The following SPTB variants were observed in gnomAD, a reference collection of about 807,000 sequenced individuals.
The protein encoded by SPTB is spectrin beta chain, erythrocytic.
SPTB carries 45 observed loss-of-function variants against 256.2 expected under a neutral mutation model. The observed-to-expected ratio is 0.18, with a 90% CI of 0.14 to 0.23. The LOEUF is 0.23. SPTB is among the 10% of genes least tolerant of loss of function. SPTB has a pLI of 1.00. For missense variants in SPTB, 2,715 were observed against 3,040.4 expected, an observed-to-expected ratio of 0.89 and a Z score of 2.52; for synonymous variants, 1,231 against 1,243.1, an observed-to-expected ratio of 0.99 and a Z score of 0.21.
chr14:64,797,583 C>T (rs2082800200), intron 10 of SPTB, 146 bp downstream of exon 10: 3 of 690,038 alleles, frequency 4.3e-6, no homozygotes, highest in Non-Finnish European at 7.9e-6. Context: ...GAACCAGGTT[C>T]GATAACTCCC....
intron 20 of SPTB, among the ~76,000 whole-genome samples, chr14:64,780,154 T>C (rs2082441726): frequency 6.6e-6 from 1 of 152,000 alleles, no homozygotes; most frequent in Non-Finnish European, 1.5e-5. Flanking sequence ...GCAAAAGGGG[T>C]TGGAGATGGA....
Position 64,841,778 on chromosome 14 carries a change from C to T in SPTB, c.-51-18633G>A, listed in dbSNP as rs145851557. Among the ~76,000 whole-genome samples, 2 of 152,064 alleles carry T rather than the reference C, an allele frequency of 1.3e-5. No individual in the cohort carries two copies. The highest frequency in any genetic ancestry group is 3.9e-4 in the East Asian group (2 of 5,180). ...ATATTTTTTAAGGGTCTTTCTTTAA[C>T]ACAGCACACATTTACCTATTTGCAA... On this transcript the variant is annotated intron_variant, in intron 1 of 35. Transcript: ENST00000644917. The surrounding 1 kb of genome is among the most constrained non-coding windows in gnomAD (Gnocchi z 4.6).
At position 64,764,500 on chromosome 14, in the gene SPTB, A is replaced by G. The variant is rs948355341; in HGVS notation, c.6345+2226T>C. Among the ~76,000 whole-genome samples the G allele has an allele frequency of 3.9e-5, 6 of 152,234 alleles. 1 individual carries two copies. The highest frequency in any genetic ancestry group is 3.3e-4 in the Admixed American group (5 of 15,286). ...TGCTGGAGTGGCTGGCTCTCCGGAA[A>G]GGGTCTCAAATGTGGGCTCACTTCT... On this transcript the variant is annotated intron_variant, in intron 32 of 35. Coordinates refer to ENST00000644917, the MANE Select transcript of SPTB (RefSeq NM_001355436.2). This position sits in a 1 kb window ranked among gnomAD's most constrained non-coding sequence, Gnocchi z 4.2.
intron 32 of SPTB, among the ~76,000 whole-genome samples, chr14:64,765,806 G>T (rs75760704): frequency 3.3e-5 from 5 of 149,314 alleles, no homozygotes; most frequent in Non-Finnish European, 5.9e-5. Context: ...AGTGATTGGG[G>T]TGTGTGTGTG....
Position 64,784,375 on chromosome 14 carries a change from C to G in SPTB, c.3874G>C (p.Asp1292His). 1.9e-6 allele frequency: 3 copies of G among 1,614,204 alleles called. No individual in the cohort carries two copies. The highest frequency in any genetic ancestry group is 2.5e-6 in the Non-Finnish European group (3 of 1,180,040). Residue 1292 changes from aspartate (D) to histidine (H), a missense_variant, in exon 19 of 36, where the codon GAC becomes CAC. Asp to His is a moderately conservative substitution (Grantham distance 81). This residue lies in a region of SPTB where 2,239 missense variants were observed against 2,384.4 expected (regional missense o/e 0.94). Coordinates refer to ENST00000644917, the MANE Select transcript of SPTB (RefSeq NM_001355436.2). ...ACATCCTGAGATGTCAGCAGCTTGT[C>G]GTTGATCCAGAGAGTGAGCTGTGTG... ...NCQELTLWIN[D>H]KLLTSQDVSY... is the part of the protein sequence containing the mutation.
In SPTB at chr14:64,795,486, T is replaced by C. The variant is rs1325711290; in HGVS notation, c.1495A>G (p.Ile499Val). Residue 499 changes from isoleucine to valine, a missense_variant, in exon 12 of 36, where the codon ATC (isoleucine) becomes GTC (valine). Physicochemically the swap from Ile to Val is conservative, Grantham distance 29. Around this residue, in one of 4 missense-constraint regions of SPTB, gnomAD observed 2,239 missense variants for 2,384.4 expected, o/e 0.94. Transcript: ENST00000644917. The surrounding 1 kb of genome is among the most constrained non-coding windows in gnomAD (Gnocchi z 6.5). ...AGTATATTGTCCTTGCGGGCCGTGA[T>C]GCGCTTCTGGTCATGGTAGTTCTCT... ...EKENYHDQKR[I>V]TARKDNILRL... 1.9e-6 allele frequency: 3 copies of C among 1,614,044 alleles called. No individual in the cohort carries two copies. Among genetic ancestry groups the C allele is most frequent in the Non-Finnish European group, 2.5e-6 (3 of 1,180,030 alleles).
chr14:64,780,521 C>A (rs1484745564), intron 20 of SPTB, among the ~76,000 whole-genome samples: 1 of 152,212 alleles, frequency 6.6e-6, no homozygotes, highest in Non-Finnish European at 1.5e-5. Context: ...TCAAGTGATT[C>A]TCCTGCCTCA....
At chr14:64,794,864 T>C (rs1364825546) in intron 12 of SPTB, among the ~76,000 whole-genome samples, 2 of 152,182 alleles carry the variant, frequency 1.3e-5, no homozygotes, top group East Asian at 1.9e-4. Flanking sequence ...ACTGCATCGG[T>C]CTCAGGGTTG....
At chr14:64,865,577 T>G (rs1449823073) in intron 1 of SPTB, among the ~76,000 whole-genome samples, 1 of 152,154 alleles carries the variant, frequency 6.6e-6, no homozygotes, top group Non-Finnish European at 1.5e-5. Flanking sequence ...AGGCTGCCAT[T>G]GGAGTTGCTA....
intron 8 of SPTB, 43 bp downstream of exon 8, chr14:64,800,713 A>C (rs1362818780): frequency 1.9e-6 from 3 of 1,560,688 alleles, no homozygotes; most frequent in Non-Finnish European, 2.7e-6. Flanking sequence ...TGGACCTGAC[A>C]AACAGGGGAA....
intron 2 of SPTB, among the ~76,000 whole-genome samples, chr14:64,810,087 A>G (rs775407426): frequency 2.0e-5 from 3 of 152,246 alleles, no homozygotes; most frequent in Non-Finnish European, 4.4e-5. Context: ...AGGGCTACCA[A>G]CCTTTCCAGA....
chr14:64,805,108 C>G lies in SPTB; in HGVS notation c.149-18G>C. On this transcript the variant is annotated intron_variant, in intron 2 of 35. Coordinates refer to ENST00000644917, the MANE Select transcript of SPTB (RefSeq NM_001355436.2). The stretch of plus-strand genomic sequence containing the variant: ...CCGCTCATCTAGGTGGAGAGAAGAA[C>G]CTTGGTGAGGTGCCTGAGGTTGGCA... 6.2e-7 allele frequency: 1 copy of G among 1,614,090 alleles called. No individual in the cohort carries two copies. Among genetic ancestry groups the G allele is most frequent in the Non-Finnish European group, 8.5e-7 (1 of 1,179,998 alleles).
intron 33 of SPTB, among the ~76,000 whole-genome samples, chr14:64,751,707 G>GGGT (rs1345208101): frequency 1.3e-5 from 2 of 152,088 alleles, no homozygotes; most frequent in African/African-American, 4.8e-5. Flanking sequence ...GGAATGAACA[G>GGGT]GGTTTTGTTT....
At chr14:64,834,824 T>A (rs915938341) in intron 1 of SPTB, among the ~76,000 whole-genome samples, 3 of 152,222 alleles carry the variant, frequency 2.0e-5, no homozygotes, top group Non-Finnish European at 4.4e-5. Context: ...CAGCTTCACA[T>A]GCAGAACTCT....
chr14:64,779,841 C>T lies in SPTB; in HGVS notation c.4357G>A (p.Asp1453Asn). The change falls in exon 21 of 36, where the codon GAC (aspartate) becomes AAC (asparagine). Residue 1453 changes from aspartate to asparagine, a missense_variant. Coordinates refer to ENST00000644917, the MANE Select transcript of SPTB (RefSeq NM_001355436.2). The surrounding 1 kb of genome is among the most constrained non-coding windows in gnomAD (Gnocchi z 4.2). ...AGGAACCGCTTCTCGATGCTCAAGT[C>T]TGCATCTCCTCCCTCCTCTCCCATT... is the stretch of plus-strand genomic sequence containing the variant. ...PSMGEEGGDA[D>N]LSIEKRFLDL... 1 of 1,614,174 alleles carries T rather than the reference C, an allele frequency of 6.2e-7. No individual in the cohort carries two copies. The highest frequency in any genetic ancestry group is 8.5e-7 in the Non-Finnish European group (1 of 1,180,026).
chr14:64,791,623 T>TGCATACTA lies in SPTB; in HGVS notation c.2804+88_2804+95dup, dbSNP rs2082674916. On this transcript the variant is annotated intron_variant, in intron 15 of 35. Coordinates refer to ENST00000644917, the MANE Select transcript of SPTB (RefSeq NM_001355436.2). ...AATGTTGAGGGTATAGAAGTGTTGG[T>TGCATACTA]GCATACTAGGTGGACTAAATTTTGG... 2.7e-6 allele frequency: 3 copies of TGCATACTA among 1,130,506 alleles called. No individual in the cohort carries two copies. In the Admixed American group the frequency reaches 5.3e-5, roughly 20 times the overall value. The allele number at this position is 1,130,506 out of a possible 1,614,324, so 70.0% of individuals were successfully genotyped here.
intron 5 of SPTB, 126 bp from the exon 6 acceptor site, chr14:64,801,960 G>C (rs2082894718): frequency 3.0e-6 from 3 of 997,184 alleles, no homozygotes; most frequent in Non-Finnish European, 4.7e-6. Flanking sequence ...AGGTCACCAA[G>C]AGGGGGCAGC....
chr14:64,749,054 C>T lies in SPTB; in HGVS notation c.*252G>A. On this transcript the variant is annotated 3_prime_UTR_variant, in exon 36 of 36. Coordinates refer to ENST00000644917, the MANE Select transcript of SPTB (RefSeq NM_001355436.2). This position sits in a 1 kb window ranked among gnomAD's most constrained non-coding sequence, Gnocchi z 4.7. ...CGTTTCCTGCCCCCAGGCCTGGAGG[C>T]CCCAAAGGCGCCAGAGGAGCTGGGA... 2.4e-6 allele frequency: 1 copy of T among 424,466 alleles called. No individual in the cohort carries two copies. Among genetic ancestry groups the T allele is most frequent in the Non-Finnish European group, 4.2e-6 (1 of 236,132 alleles). The allele number at this position is 424,466 out of a possible 1,614,324, so 26.3% of individuals were successfully genotyped here.
At chr14:64,801,474 C>G (rs2082884858) in intron 6 of SPTB, 74 bp from the exon 7 acceptor site, 6 of 1,141,806 alleles carry the variant, frequency 5.3e-6, no homozygotes, top group Non-Finnish European at 7.9e-6. Context: ...TAGCATGAAG[C>G]AGACATTGTA....
Sources: gnomAD v4.1 joint callset for allele counts (sites outside exome capture counted in the v4.1 genomes callset) on GRCh38, gnomAD v4.1.1 for gene constraint, gnomAD v4.1.1 regional missense constraint, Gnocchi (gnomAD v3.1) non-coding constraint, MANE v1.5 for transcripts, NCBI Gene and HGNC (gene_info 2026-07-23, HGNC 2026-07-21) for gene names.